Variants in HHIPL1 observed in about 807,000 individuals in gnomAD.
HHIPL1 encodes the protein HHIP-like protein 1.
HHIPL1 carries 43 observed loss-of-function variants against 61.8 expected under a neutral mutation model. That is an observed-to-expected ratio of 0.70 (90% confidence interval 0.55 to 0.90). The LOEUF (loss-of-function observed/expected upper bound fraction) is 0.90. HHIPL1 is among the 40% of genes least tolerant of loss of function. HHIPL1 has a pLI of 0.00. For synonymous variants in HHIPL1, 482 were observed against 515.8 expected (o/e 0.93, Z 0.89); for missense variants, 1,056 against 1,157.7 (o/e 0.91, Z 1.28).
the HHIPL1 span, among the ~76,000 whole-genome samples, chr14:99,617,911 G>GC: frequency 6.6e-6 from 1 of 152,212 alleles, no homozygotes; most frequent in Non-Finnish European, 1.5e-5. Context: ...ACTTGCAGAA[G>GC]CTGGGGCTCG....
the HHIPL1 span, among the ~76,000 whole-genome samples, chr14:99,627,696 G>T: frequency 6.6e-6 from 1 of 152,256 alleles, no homozygotes; most frequent in Admixed American, 6.5e-5. The surrounding 1 kb of genome is among the most constrained non-coding windows in gnomAD (Gnocchi z 4.4). Context: ...GCTGGGCTTG[G>T]CCGGAGAACA....
intron 7 of HHIPL1, chr14:99,669,136 A>G (rs1595169224): frequency 1.4e-6 from 2 of 1,380,494 alleles, no homozygotes; most frequent in East Asian, 5.3e-5. Flanking sequence ...GGGCTACACG[A>G]CTGACTCTCT....
At chr14:99,653,017 A>G (rs1383424195) in intron 2 of HHIPL1, 147 bp downstream of exon 2, 1 of 804,248 alleles carries the variant, frequency 1.2e-6, no homozygotes, top group Non-Finnish European at 1.9e-6. Context: ...TGGGGCCTGG[A>G]GAAGGACAGT....
At chr14:99,659,891 C>T in intron 4 of HHIPL1, 135 bp downstream of exon 4, 1 of 774,306 alleles carries the variant, frequency 1.3e-6, no homozygotes, top group Non-Finnish European at 1.9e-6. Context: ...TGTCCTCGGC[C>T]CCACTCTATG....
the HHIPL1 span, among the ~76,000 whole-genome samples, chr14:99,631,055 TCTTTCTTTC>T: frequency 4.2e-5 from 3 of 72,044 alleles, 1 homozygote; most frequent in African/African-American, 1.8e-4. Context: ...CCATTTTCTT[TCTTTCTTTC>T]TTTCTTTCTT....
chr14:99,665,591 T>A (rs1415081729), intron 6 of HHIPL1, among the ~76,000 whole-genome samples: 1 of 152,212 alleles, frequency 6.6e-6, no homozygotes, highest in Admixed American at 6.5e-5. Context: ...CATGCAACTA[T>A]GCCTGGCTAT....
At chr14:99,669,387 C>T (rs761478397) in intron 7 of HHIPL1, 19 of 953,900 alleles carry the variant, frequency 2.0e-5, no homozygotes, top group Non-Finnish European at 2.2e-5. Flanking sequence ...TAACGCAAGG[C>T]CTGAGGTTGC....
At chr14:99,621,903 GAC>G in the HHIPL1 span, among the ~76,000 whole-genome samples, 1 of 151,722 alleles carries the variant, frequency 6.6e-6, no homozygotes, top group African/African-American at 2.4e-5. Flanking sequence ...TTTTAGCAGA[GAC>G]TGGGTTTCAC....
the HHIPL1 span, among the ~76,000 whole-genome samples, chr14:99,637,168 A>AAGAAAAAG: frequency 1.2e-4 from 13 of 110,660 alleles, 1 homozygote; most frequent in East Asian, 2.7e-3. Context: ...GAAAGAAAGA[A>AAGAAAAAG]AAAGAAAGAA....
At chr14:99,640,360 C>G (rs895601589), upstream of HHIPL1, among the ~76,000 whole-genome samples, 3 of 152,164 alleles carry the variant, frequency 2.0e-5, no homozygotes, top group African/African-American at 7.2e-5. Context: ...TCTTGTCTCA[C>G]CACAGCCTCA....
At chr14:99,614,513 C>T in the HHIPL1 span, among the ~76,000 whole-genome samples, 6 of 152,180 alleles carry the variant, frequency 3.9e-5, no homozygotes, top group Non-Finnish European at 5.9e-5. Context: ...TTAGAATCAC[C>T]GGAAAGCATG....
chr14:99,628,189 A>T, the HHIPL1 span, among the ~76,000 whole-genome samples: 37 of 152,190 alleles, frequency 2.4e-4, no homozygotes, highest in Non-Finnish European at 2.9e-4. Flanking sequence ...GTAGCATGGC[A>T]AAGGGCCCAG....
intron 2 of HHIPL1, among the ~76,000 whole-genome samples, chr14:99,656,708 G>A (rs148156826): frequency 1.9e-4 from 28 of 151,148 alleles, no homozygotes; most frequent in African/African-American, 6.3e-4. Context: ...CTTGGGTGGC[G>A]GCGGTTGCAA....
intron 3 of HHIPL1, among the ~76,000 whole-genome samples, chr14:99,658,504 C>T (rs772900848): frequency 9.2e-5 from 14 of 152,066 alleles, no homozygotes; most frequent in Non-Finnish European, 1.5e-4. Context: ...TGGGTGCTAA[C>T]GCTATGTGAG....
chr14:99,619,252 G>A, the HHIPL1 span, among the ~76,000 whole-genome samples: 6 of 152,028 alleles, frequency 3.9e-5, no homozygotes, highest in African/African-American at 1.5e-4. Context: ...CACGAGGTCA[G>A]GAGTTCGAAA....
chr14:99,659,173 AG>A (rs1390611015), intron 3 of HHIPL1, among the ~76,000 whole-genome samples: 8 of 152,238 alleles, frequency 5.3e-5, no homozygotes, highest in African/African-American at 1.9e-4. Context: ...AAGACGAAAT[AG>A]ATGATGTGTT....
chr14:99,644,580 G>C (rs2055796533), upstream of HHIPL1, among the ~76,000 whole-genome samples: 1 of 152,120 alleles, frequency 6.6e-6, no homozygotes, highest in African/African-American at 2.4e-5. Context: ...TGGAAGTGGG[G>C]AGCCCCAGTG....
upstream of HHIPL1, among the ~76,000 whole-genome samples, chr14:99,641,709 C>T (rs567724731): frequency 4.0e-5 from 6 of 150,930 alleles, no homozygotes; most frequent in South Asian, 2.1e-4. Context: ...CCACCGTGCC[C>T]GGCCTGCTTG....
At chr14:99,662,607 A>C (rs781764518) in intron 5 of HHIPL1, among the ~76,000 whole-genome samples, 25 of 152,194 alleles carry the variant, frequency 1.6e-4, no homozygotes, top group Non-Finnish European at 3.4e-4. Flanking sequence ...TTCACCCTTG[A>C]TCTCATGCTC....
Sources: allele counts gnomAD v4.1 joint callset (sites outside exome capture counted in the v4.1 genomes callset), GRCh38; gene constraint gnomAD v4.1.1; non-coding constraint Gnocchi (gnomAD v3.1); transcripts MANE v1.5; gene names NCBI Gene and HGNC (gene_info 2026-07-23, HGNC 2026-07-21).